The following UBE2E2 variants were observed in gnomAD, a reference collection of about 807,000 sequenced individuals.
UBE2E2 encodes ubiquitin-conjugating enzyme E2 E2.
A neutral mutation model predicts 24.7 loss-of-function variants in UBE2E2; 6 were observed. The ratio of observed to expected loss-of-function variants is 0.24; its 90% confidence interval spans 0.13 to 0.48. UBE2E2 has a LOEUF of 0.48. Ranked by LOEUF, UBE2E2 falls within the 20% of genes least tolerant of loss-of-function variation. UBE2E2 has a pLI of 0.99. For missense variants in UBE2E2, 169 were observed against 245.0 expected, an observed-to-expected ratio of 0.69 and a Z score of 2.07; for synonymous variants, 104 against 83.6, an observed-to-expected ratio of 1.24 and a Z score of -1.33.
intron 4 of UBE2E2, among the ~76,000 whole-genome samples, chr3:23,531,653 C>T (rs1275718693): frequency 6.6e-6 from 1 of 152,096 alleles, no homozygotes; most frequent in Non-Finnish European, 1.5e-5. Flanking sequence ...TAAATTACAG[C>T]TAATTGTAAC....
intron 3 of UBE2E2, among the ~76,000 whole-genome samples, chr3:23,302,824 C>G (rs371193730): frequency 6.6e-6 from 1 of 152,188 alleles, no homozygotes; most frequent in South Asian, 2.1e-4. Context: ...GGACTGCAGT[C>G]CTGCTTTGGT....
chr3:23,417,409 C>G (rs892339971), intron 3 of UBE2E2, among the ~76,000 whole-genome samples: 1 of 152,202 alleles, frequency 6.6e-6, no homozygotes, highest in African/African-American at 2.4e-5. Flanking sequence ...GCTGCCTGTT[C>G]CTTCCTCTGG....
chr3:23,315,078 A>G (rs552598046), intron 3 of UBE2E2, among the ~76,000 whole-genome samples: 1 of 152,270 alleles, frequency 6.6e-6, no homozygotes, highest in African/African-American at 2.4e-5. Context: ...CTTTAAGGGC[A>G]GTAACTCTTA....
At chr3:23,454,843 C>G (rs1283192744) in intron 3 of UBE2E2, among the ~76,000 whole-genome samples, 4 of 152,146 alleles carry the variant, frequency 2.6e-5, no homozygotes, top group Non-Finnish European at 4.4e-5. Flanking sequence ...CCTAATTTAG[C>G]TGAAGCTAAA....
At chr3:23,372,488 C>G (rs889382304) in intron 3 of UBE2E2, among the ~76,000 whole-genome samples, 1 of 152,184 alleles carries the variant, frequency 6.6e-6, no homozygotes, top group African/African-American at 2.4e-5. Context: ...GTTAGCAGCA[C>G]TCAATTTAAC....
At chr3:23,387,077 G>A (rs962536054) in intron 3 of UBE2E2, among the ~76,000 whole-genome samples, 2 of 152,212 alleles carry the variant, frequency 1.3e-5, no homozygotes, top group African/African-American at 4.8e-5. Flanking sequence ...AAGACTTTCT[G>A]ATTTCAGGGT....
intron 3 of UBE2E2, among the ~76,000 whole-genome samples, chr3:23,404,230 A>T (rs767632090): frequency 6.6e-6 from 1 of 152,186 alleles, no homozygotes; most frequent in Non-Finnish European, 1.5e-5. Flanking sequence ...AATATCATAT[A>T]ATAAATAGCT....
At position 23,572,913 on chromosome 3, in the gene UBE2E2, G is replaced by A. The variant is rs756890559; in HGVS notation, c.509-16821G>A. Among the ~76,000 whole-genome samples the A allele has an allele frequency of 1.6e-4, 24 of 152,160 alleles. 1 individual carries two copies. The highest frequency in any genetic ancestry group is 7.4e-5 in the Non-Finnish European group (5 of 68,022). ...TGGGTATATACCCAGTAATGAGACT[G>A]TTGTGTCAAATGGTAGTTTTGTTTT... On this transcript the variant is annotated intron_variant, in intron 5 of 5. Coordinates refer to ENST00000396703, the MANE Select transcript of UBE2E2 (RefSeq NM_152653.4).
intron 3 of UBE2E2, among the ~76,000 whole-genome samples, chr3:23,375,855 C>G (rs957083043): frequency 1.3e-5 from 2 of 152,114 alleles, no homozygotes; most frequent in African/African-American, 4.8e-5. Flanking sequence ...ATCTTTCCTT[C>G]TGTACTGTAG....
chr3:23,433,028 G>A (rs1698101570), intron 3 of UBE2E2, among the ~76,000 whole-genome samples: 1 of 151,816 alleles, frequency 6.6e-6, no homozygotes, highest in Admixed American at 6.6e-5. Context: ...AACTTATGAT[G>A]CCTTTAATAC....
At chr3:23,499,374 C>T (rs1013795240) in intron 3 of UBE2E2, among the ~76,000 whole-genome samples, 10 of 152,228 alleles carry the variant, frequency 6.6e-5, no homozygotes, top group Middle Eastern at 3.4e-3. Context: ...GTTCCATAGG[C>T]GTAGGGTTGT....
chr3:23,444,193 T>G (rs1269649089), intron 3 of UBE2E2, among the ~76,000 whole-genome samples: 4 of 151,950 alleles, frequency 2.6e-5, no homozygotes, highest in African/African-American at 4.8e-5. Flanking sequence ...AATATCCCAT[T>G]TATTGTAACC....
intron 5 of UBE2E2, among the ~76,000 whole-genome samples, chr3:23,566,956 G>A (rs2125508790): frequency 6.6e-6 from 1 of 152,298 alleles, no homozygotes; most frequent in South Asian, 2.1e-4. Flanking sequence ...TTACCACTAT[G>A]GCAGTATCAG....
intron 5 of UBE2E2, among the ~76,000 whole-genome samples, chr3:23,555,897 T>C (rs1695767508): frequency 6.6e-6 from 1 of 152,104 alleles, no homozygotes; most frequent in African/African-American, 2.4e-5. Context: ...TGGAAAGATG[T>C]AGGTCAAAGG....
chr3:23,257,478 G>T (rs1022580536), intron 3 of UBE2E2, among the ~76,000 whole-genome samples: 4 of 139,864 alleles, frequency 2.9e-5, no homozygotes, highest in African/African-American at 7.8e-5. Context: ...GCTTAAGACG[G>T]GTTTAATAGG....
At chr3:23,254,915 C>CCA (rs1559457980) in intron 3 of UBE2E2, among the ~76,000 whole-genome samples, 2 of 151,704 alleles carry the variant, frequency 1.3e-5, no homozygotes, top group African/African-American at 4.8e-5. Context: ...TTTTTTTCCC[C>CCA]CCTTATGTCT....
intron 4 of UBE2E2, among the ~76,000 whole-genome samples, chr3:23,515,156 C>CAT (rs1241482517): frequency 2.8e-5 from 4 of 141,672 alleles, no homozygotes; most frequent in East Asian, 2.1e-4. Context: ...TGTGTGTGTA[C>CAT]ATATATATAG....
At chr3:23,251,770 C>G (rs1046678189) in intron 3 of UBE2E2, among the ~76,000 whole-genome samples, 1 of 152,102 alleles carries the variant, frequency 6.6e-6, no homozygotes, top group Non-Finnish European at 1.5e-5. Context: ...ATAATAATCT[C>G]TCTCGACTAT....
In UBE2E2 at chr3:23,590,008, T is replaced by A; in HGVS notation, c.*177T>A. 2 of 551,862 alleles carry A rather than the reference T, an allele frequency of 3.6e-6. No homozygotes were observed. The highest frequency in any genetic ancestry group is 3.0e-5 in the Admixed American group (1 of 32,812). 34.2% of individuals were successfully genotyped at this position (551,862 alleles called of 1,614,324 possible). A position where few individuals can be genotyped will look rare whatever the true frequency, so the allele number is the denominator to read the frequency against. ...TCCCAGTTCTTCCTGCCCCCCTTCC[T>A]CTCTCCCACGCTCTCTTTTATCTCT... is the stretch of plus-strand genomic sequence containing the variant. On this transcript the variant is annotated 3_prime_UTR_variant, in exon 6 of 6. Coordinates refer to ENST00000396703, the MANE Select transcript of UBE2E2 (RefSeq NM_152653.4).
Sources: gnomAD v4.1 joint callset for allele counts (sites outside exome capture counted in the v4.1 genomes callset) on GRCh38, gnomAD v4.1.1 for gene constraint, MANE v1.5 for transcripts, NCBI Gene and HGNC (gene_info 2026-07-23, HGNC 2026-07-21) for gene names.